DISC1: variants seen among roughly 807,000 people sequenced by gnomAD.
The protein encoded by DISC1 is disrupted in schizophrenia 1 protein.
DISC1 carries 57 observed loss-of-function variants against 84.5 expected under a neutral mutation model. That is an observed-to-expected ratio of 0.67 (90% CI 0.55 to 0.84). DISC1 has a LOEUF of 0.84. Among genes scored for constraint, DISC1 ranks in the 40% least tolerant of loss-of-function variants. The pLI, the probability that DISC1 is intolerant of heterozygous loss-of-function variation, is 0.00. For missense variants in DISC1, 1,000 were observed against 1,057.8 expected, an observed-to-expected ratio of 0.95 and a Z score of 0.76; for synonymous variants, 411 against 415.2, an observed-to-expected ratio of 0.99 and a Z score of 0.12.
rs117710007 is a variant in DISC1 at position 231,881,964 on chromosome 1, G to A, written c.1981+63447G>A. 5.7e-4 allele frequency among the ~76,000 whole-genome samples: 87 copies of A among 152,270 alleles called. No homozygotes were observed. The East Asian group carries it at 0.016, about 27-fold the overall frequency. On this transcript the variant is annotated intron_variant, in intron 9 of 12. Coordinates refer to ENST00000439617, the MANE Select transcript of DISC1 (RefSeq NM_018662.3). ...GCATCTGAGACGCGGGAGCATAAGG[G>A]AACTTGCTTGAGGTCACATGCTTGG...
intron 11 of DISC1, among the ~76,000 whole-genome samples, chr1:232,010,700 T>G (rs1457616131): frequency 6.6e-6 from 1 of 152,138 alleles, no homozygotes; most frequent in African/African-American, 2.4e-5. Flanking sequence ...GAAACCAGTG[T>G]ATTTTTATGC....
At chr1:231,907,138 T>TCTCC (rs2088789773) in intron 9 of DISC1, among the ~76,000 whole-genome samples, 19 of 56,826 alleles carry the variant, frequency 3.3e-4, no homozygotes, top group African/African-American at 1.3e-3. Context: ...TTCCTCTTTC[T>TCTCC]TTCTTTCTTT....
chr1:231,978,864 C>CTGTA (rs1663188866), intron 10 of DISC1, among the ~76,000 whole-genome samples: 1 of 152,170 alleles, frequency 6.6e-6, no homozygotes, highest in African/African-American at 2.4e-5. Flanking sequence ...ACTCTAAATC[C>CTGTA]TGTAGATCAG....
intron 1 of DISC1, among the ~76,000 whole-genome samples, chr1:231,670,981 C>T (rs995547269): frequency 1.3e-5 from 2 of 152,184 alleles, no homozygotes; most frequent in African/African-American, 2.4e-5. Flanking sequence ...CCCTGCTCCC[C>T]ACCTCCATCC....
intron 9 of DISC1, among the ~76,000 whole-genome samples, chr1:231,942,383 G>T (rs2091400613): frequency 6.6e-6 from 1 of 152,134 alleles, no homozygotes; most frequent in East Asian, 1.9e-4. Flanking sequence ...GCATGGCCAG[G>T]CCAGGGGCAG....
intron 9 of DISC1, among the ~76,000 whole-genome samples, chr1:231,879,287 T>C (rs773872446): frequency 6.6e-6 from 1 of 152,056 alleles, no homozygotes; most frequent in Non-Finnish European, 1.5e-5. Context: ...AGCTACTTGT[T>C]GATTCTATTT....
At chr1:231,874,013 AT>A (rs957533709) in intron 9 of DISC1, among the ~76,000 whole-genome samples, 1 of 150,990 alleles carries the variant, frequency 6.6e-6, no homozygotes, top group African/African-American at 2.4e-5. Context: ...ACGCCCAGCT[AT>A]TTTTTTTATT....
chr1:231,712,209 T>C (rs1458523840), intron 3 of DISC1, among the ~76,000 whole-genome samples: 5 of 152,224 alleles, frequency 3.3e-5, no homozygotes, highest in Non-Finnish European at 4.4e-5. Flanking sequence ...ACCTTGATTT[T>C]AGCTCAGTAA....
intron 10 of DISC1, among the ~76,000 whole-genome samples, chr1:231,992,111 G>A (rs1665283989): frequency 6.6e-6 from 1 of 152,042 alleles, no homozygotes; most frequent in Non-Finnish European, 1.5e-5. Context: ...TATTCCTGTA[G>A]AGTAAATGCC....
chr1:231,984,742 A>G (rs34397798), intron 10 of DISC1, among the ~76,000 whole-genome samples: 25,289 of 152,074 alleles, frequency 0.17, 2,596 homozygotes, highest in South Asian at 0.25. Context: ...AGTTCTGCCC[A>G]AGGGGGAAGT....
intron 12 of DISC1, among the ~76,000 whole-genome samples, chr1:232,030,130 A>C (rs967606570): frequency 1.3e-5 from 2 of 152,164 alleles, no homozygotes; most frequent in African/African-American, 4.8e-5. Context: ...AGTGCCTGAG[A>C]AGGGGACAGG....
At chr1:232,034,729 C>T (rs577109244) in intron 12 of DISC1, among the ~76,000 whole-genome samples, 1 of 152,282 alleles carries the variant, frequency 6.6e-6, no homozygotes, top group Admixed American at 6.5e-5. Context: ...GATTCATAAA[C>T]TGCTTAAGCT....
chr1:231,886,071 G>A (rs915939364), intron 9 of DISC1, among the ~76,000 whole-genome samples: 2 of 152,126 alleles, frequency 1.3e-5, no homozygotes, highest in African/African-American at 2.4e-5. Context: ...AGCAAGGGGG[G>A]GCCAAGTTGT....
chr1:231,956,135 A>T (rs1659457152), intron 9 of DISC1, among the ~76,000 whole-genome samples: 1 of 152,176 alleles, frequency 6.6e-6, no homozygotes, highest in African/African-American at 2.4e-5. Context: ...GGCCAAGGAG[A>T]TTCTGAACAA....
chr1:231,945,328 A>T (rs981267765), intron 9 of DISC1: 1 of 152,238 alleles, frequency 6.6e-6, no homozygotes, highest in Non-Finnish European at 1.5e-5. Context: ...CCTCACAACT[A>T]CATGGAAACT....
intron 9 of DISC1, among the ~76,000 whole-genome samples, chr1:231,889,406 GAAGT>G (rs761485881): frequency 1.3e-5 from 2 of 152,212 alleles, no homozygotes; most frequent in Non-Finnish European, 2.9e-5. Flanking sequence ...TGAAGCCAGA[GAAGT>G]AAGTATTTTG....
chr1:231,766,777 C>T lies in DISC1; in HGVS notation c.1269-363C>T, dbSNP rs147651330. 5.5e-4 allele frequency among the ~76,000 whole-genome samples: 83 copies of T among 152,168 alleles called. 1 individual carries two copies. The highest frequency in any genetic ancestry group is 1.7e-3 in the African/African-American group (71 of 41,512). On this transcript the variant is annotated intron_variant, in intron 4 of 12. Coordinates refer to ENST00000439617, the MANE Select transcript of DISC1 (RefSeq NM_018662.3). ...ACATATAATGAACTTAAAAATATTA[C>T]GAATGAGTTATTTTGTACTCTTTAT...
chr1:232,040,904 T>A lies in DISC1; in HGVS notation c.*4073T>A, dbSNP rs1269708627. 6.6e-6 allele frequency: 1 copy of A among 152,244 alleles called. No homozygotes were observed. Among genetic ancestry groups the A allele is most frequent in the Non-Finnish European group, 1.5e-5 (1 of 68,054 alleles). 9.4% of individuals were successfully genotyped at this position (152,244 alleles called of 1,614,324 possible). On this transcript the variant is annotated 3_prime_UTR_variant, in exon 13 of 13. Coordinates refer to ENST00000439617, the MANE Select transcript of DISC1 (RefSeq NM_018662.3). ...GACACTGGGCTGACTTTCTTGAAGA[T>A]CCTCATCCAATTGGTGTTTTTCAGA...
intron 12 of DISC1, among the ~76,000 whole-genome samples, chr1:232,029,947 A>C (rs1669843876): frequency 6.6e-6 from 1 of 152,206 alleles, no homozygotes; most frequent in African/African-American, 2.4e-5. Flanking sequence ...TGACCAATCC[A>C]AGGAGGGAGA....
Sources: allele counts gnomAD v4.1 joint callset (sites outside exome capture counted in the v4.1 genomes callset), GRCh38; gene constraint gnomAD v4.1.1; transcripts MANE v1.5; gene names NCBI Gene and HGNC (gene_info 2026-07-23, HGNC 2026-07-21).